Variants in NRG1 observed in about 807,000 individuals in gnomAD.
NRG1 encodes the protein pro-neuregulin-1, membrane-bound isoform.
NRG1 carries 18 observed loss-of-function variants against 63.8 expected under a neutral mutation model. The ratio of observed to expected loss-of-function variants is 0.28; its 90% CI spans 0.19 to 0.42. NRG1 has a LOEUF of 0.42. Ranked by LOEUF, NRG1 falls within the 10% of genes least tolerant of loss-of-function variation. The pLI is 1.00. For synonymous variants in NRG1, 302 were observed against 301.3 expected, an observed-to-expected ratio of 1.00 and a Z score of -0.02; for missense variants, 762 against 814.7, an observed-to-expected ratio of 0.94 and a Z score of 0.79.
intron 1 of NRG1, among the ~76,000 whole-genome samples, chr8:32,082,665 T>C (rs1017269872): frequency 2.0e-5 from 3 of 152,160 alleles, no homozygotes; most frequent in Non-Finnish European, 4.4e-5. Flanking sequence ...GCAAGAACAT[T>C]GCTGCTACCT....
intron 1 of NRG1, among the ~76,000 whole-genome samples, chr8:32,357,616 T>C: frequency 6.6e-6 from 1 of 152,204 alleles, no homozygotes; most frequent in East Asian, 1.9e-4. Context: ...TGCCCTTCCT[T>C]CTCCTCCTCC....
At chr8:31,857,507 C>G (rs368113616) in intron 1 of NRG1, among the ~76,000 whole-genome samples, 11 of 152,348 alleles carry the variant, frequency 7.2e-5, no homozygotes, top group African/African-American at 2.6e-4. Context: ...CCTGCGCCCA[C>G]TGTCTGGCAC....
At chr8:31,776,888 A>G (rs1413149126) in intron 1 of NRG1, among the ~76,000 whole-genome samples, 2 of 152,176 alleles carry the variant, frequency 1.3e-5, no homozygotes, top group African/African-American at 4.8e-5. Flanking sequence ...TTATGGCTGC[A>G]TAGTAACAGC....
chr8:31,975,236 G>A (rs1227140784), intron 1 of NRG1, among the ~76,000 whole-genome samples: 1 of 152,166 alleles, frequency 6.6e-6, no homozygotes, highest in African/African-American at 2.4e-5. Flanking sequence ...GGTGGGGTAA[G>A]TTACACAATG....
intron 1 of NRG1, among the ~76,000 whole-genome samples, chr8:32,531,033 G>T (rs1831401964): frequency 6.6e-6 from 1 of 152,170 alleles, no homozygotes. Flanking sequence ...GGGAGGCAGA[G>T]GTTGCAGTGA....
At chr8:32,319,661 GAGTACCACTT>G (rs1395253664) in intron 1 of NRG1, among the ~76,000 whole-genome samples, 1 of 152,070 alleles carries the variant, frequency 6.6e-6, no homozygotes, top group Non-Finnish European at 1.5e-5. Context: ...AAATTAAAAG[GAGTACCACTT>G]TATTTAACAG....
In NRG1 at chr8:31,916,300, C is replaced by G. The variant is rs538294403; in HGVS notation, c.37+276869C>G. On this transcript the variant is annotated intron_variant, in intron 1 of 10. Coordinates refer to the NRG1 transcript ENST00000519301. ...TATGTATACATGTGACATGCTGGTG[C>G]GCTGCACCCACTAACTCGTCATCTA... Among the ~76,000 whole-genome samples the G allele has an allele frequency of 1.1e-3, 166 of 151,928 alleles. 3 individuals carry two copies. The highest frequency in any genetic ancestry group is 3.9e-3 in the African/African-American group (163 of 41,408).
Position 32,366,677 on chromosome 8 carries a change from G to GTATGTATATATATA in NRG1, c.38-229148_38-229147insGTATATATATATAT, listed in dbSNP as rs1554519435. On this transcript the variant is annotated intron_variant, in intron 1 of 10. Coordinates refer to the NRG1 transcript ENST00000519301. ...ATTGTGTGTGTGTGTGTGTGTGTGT[G>GTATGTATATATATA]TATATATATATATATATATATATAT... Among the ~76,000 whole-genome samples, 7 of 87,520 alleles carry GTATGTATATATATA rather than the reference G, an allele frequency of 8.0e-5. 1 individual carries two copies. The highest frequency in any genetic ancestry group is 3.5e-4 in the East Asian group (1 of 2,828). The allele number at this position is 87,520 out of a possible 152,430, so 57.4% of individuals were successfully genotyped here.
In NRG1 at chr8:31,690,031, A is replaced by G. The variant is rs1299926585; in HGVS notation, c.37+50600A>G. ...CGTGGGAGGGACCCTGTGGGAGGTA[A>G]TTGAATCATGGGGGTTTTACCTCCA... On this transcript the variant is annotated intron_variant, in intron 1 of 10. Transcript: ENST00000519301. 6.6e-5 allele frequency among the ~76,000 whole-genome samples: 10 copies of G among 152,290 alleles called. No individual in the cohort carries two copies. The East Asian group carries it at 1.7e-3, about 27-fold the overall frequency.
rs1169715862 is a variant in NRG1 at position 31,783,089 on chromosome 8, A to C, written c.37+143658A>C. ...CATGGTTGTTCTGTATGCAGACATA[A>C]ATATAGGTATAGGAGAATTTCTTTT... is the stretch of plus-strand genomic sequence containing the variant. On this transcript the variant is annotated intron_variant, in intron 1 of 10. Coordinates refer to the NRG1 transcript ENST00000519301. Among the ~76,000 whole-genome samples the C allele has an allele frequency of 2.6e-5, 4 of 152,314 alleles. No individual in the cohort carries two copies. In the South Asian group the frequency reaches 8.3e-4, roughly 32 times the overall value.
At chr8:32,362,006 GT>G (rs1322172097) in intron 1 of NRG1, among the ~76,000 whole-genome samples, 1 of 152,110 alleles carries the variant, frequency 6.6e-6, no homozygotes, top group African/African-American at 2.4e-5. Context: ...ATGATCTCAA[GT>G]GTCACTTTTG....
chr8:32,071,920 A>G (rs1311125863), intron 1 of NRG1, among the ~76,000 whole-genome samples: 1 of 152,200 alleles, frequency 6.6e-6, no homozygotes, highest in Non-Finnish European at 1.5e-5. Context: ...CTTTTAGAAA[A>G]ACACAAGGCA....
chr8:32,363,027 C>T (rs1308120018), intron 1 of NRG1, among the ~76,000 whole-genome samples: 1 of 152,166 alleles, frequency 6.6e-6, no homozygotes, highest in Non-Finnish European at 1.5e-5. Flanking sequence ...ATTAACTCTG[C>T]CCATGCTGCT....
At position 32,391,524 on chromosome 8, in the gene NRG1, G is replaced by A. The variant is rs13267174; in HGVS notation, c.38-204304G>A. Among the ~76,000 whole-genome samples the A allele has an allele frequency of 4.0e-5, 6 of 151,594 alleles. No individual in the cohort carries two copies. In the South Asian group the frequency reaches 6.2e-4, roughly 16 times the overall value. On this transcript the variant is annotated intron_variant, in intron 1 of 10. Transcript: ENST00000519301. The stretch of plus-strand genomic sequence containing the variant: ...TCCTCTCTCCACCCTGACCCTCCAC[G>A]CCCAGATAGACACCAGGGTCTGCTG...
chr8:31,746,779 G>A (rs1476401757), intron 1 of NRG1, among the ~76,000 whole-genome samples: 1 of 151,864 alleles, frequency 6.6e-6, no homozygotes, highest in Non-Finnish European at 1.5e-5. Flanking sequence ...GCAGTTGAAT[G>A]GATAAAGAAA....
At chr8:31,931,097 C>G (rs1052516974) in intron 1 of NRG1, among the ~76,000 whole-genome samples, 1 of 152,098 alleles carries the variant, frequency 6.6e-6, no homozygotes, top group Non-Finnish European at 1.5e-5. Context: ...CTACTTCCTC[C>G]CTGGAGAATG....
At chr8:32,168,999 T>C (rs1839700268) in intron 1 of NRG1, among the ~76,000 whole-genome samples, 1 of 152,212 alleles carries the variant, frequency 6.6e-6, no homozygotes, top group Non-Finnish European at 1.5e-5. Flanking sequence ...TGTCATCACT[T>C]TCCTACCACT....
At chr8:32,432,124 T>A (rs1426327399) in intron 1 of NRG1, among the ~76,000 whole-genome samples, 3 of 152,128 alleles carry the variant, frequency 2.0e-5, no homozygotes, top group Non-Finnish European at 4.4e-5. Context: ...TCAAGATGTA[T>A]ATGGAAGGAG....
intron 1 of NRG1, among the ~76,000 whole-genome samples, chr8:32,568,654 T>C (rs1837928373): frequency 6.6e-6 from 1 of 152,146 alleles, no homozygotes; most frequent in African/African-American, 2.4e-5. Context: ...GGGCCCGGCA[T>C]CCTGTGTTTT....
Sources: gnomAD v4.1 joint callset for allele counts (sites outside exome capture counted in the v4.1 genomes callset) on GRCh38, gnomAD v4.1.1 for gene constraint, MANE v1.5 for transcripts, NCBI Gene and HGNC (gene_info 2026-07-23, HGNC 2026-07-21) for gene names.